The following TLN1 variants were observed in gnomAD, a reference collection of about 807,000 sequenced individuals.
TLN1 encodes talin 1.
Under a neutral mutation model 292.3 loss-of-function variants are expected in TLN1, and 56 were observed. The ratio of observed to expected loss-of-function variants is 0.19; its 90% CI spans 0.15 to 0.24. The LOEUF (loss-of-function observed/expected upper bound fraction) is 0.24, where lower values mean the gene tolerates loss of function less well. Ranked by LOEUF, TLN1 falls within the 10% of genes least tolerant of loss-of-function variation. TLN1 has a pLI of 1.00. For missense variants in TLN1, 2,433 were observed against 3,248.2 expected (o/e 0.75, Z 6.10); for synonymous variants, 1,119 against 1,253.7 (o/e 0.89, Z 2.27).
Position 35,722,206 on chromosome 9 carries a change from C to T in TLN1, c.861G>A (p.Gly287=), listed in dbSNP as rs938914808. The change falls in exon 9 of 57, where the codon GGG becomes GGA. Residue 287 remains glycine (G), a synonymous_variant. Coordinates refer to ENST00000314888, the MANE Select transcript of TLN1 (RefSeq NM_006289.4). ...RKIFQAHKNC[G]QMSEIEAKVR... ...CCTTGGCCTCAATCTCACTCATCTG[C>T]CCACAATTCTTGTGTGCCTGTGCAT... The T allele has an allele frequency of 5.0e-6, 8 of 1,614,148 alleles. No individual in the cohort carries two copies. In the East Asian group the frequency reaches 1.8e-4, roughly 36 times the overall value.
chr9:35,727,213 C>T (rs1825993751), intron 1 of TLN1, among the ~76,000 whole-genome samples: 1 of 152,146 alleles, frequency 6.6e-6, no homozygotes, highest in Admixed American at 6.5e-5. Context: ...GCCCATTCCC[C>T]TCCTGGCAAA....
At position 35,719,856 on chromosome 9, in the gene TLN1, A is replaced by G. The variant is rs1306310930; in HGVS notation, c.1465-3T>C. 2 of 1,580,960 alleles carry G rather than the reference A, an allele frequency of 1.3e-6. No individual in the cohort carries two copies. Among genetic ancestry groups the G allele is most frequent in the Middle Eastern group, 1.7e-4 (1 of 6,016 alleles). ...GTGAGTGCCTGCTGGGCTGAAGTCTAAAGACAAGTGGGGAGAAACAGGGAC... is the reference window on the plus strand; with the variant it reads ...GTGAGTGCCTGCTGGGCTGAAGTCTGAAGACAAGTGGGGAGAAACAGGGAC... On this transcript the variant is annotated splice_polypyrimidine_tract_variant and splice_region_variant and intron_variant, in intron 13 of 56. Coordinates refer to ENST00000314888, the MANE Select transcript of TLN1 (RefSeq NM_006289.4). The surrounding 1 kb of genome is among the most constrained non-coding windows in gnomAD (Gnocchi z 4.6).
intron 33 of TLN1, 87 bp downstream of exon 33, chr9:35,710,474 T>C: frequency 6.6e-7 from 1 of 1,522,170 alleles, no homozygotes; most frequent in Non-Finnish European, 8.8e-7. Flanking sequence ...CATAAACTTC[T>C]TGATTTATCT....
In TLN1 at chr9:35,722,137, G is replaced by A. The variant is rs988927795; in HGVS notation, c.930C>T (p.Val310=). The A allele has an allele frequency of 3.1e-6, 5 of 1,614,066 alleles. No homozygotes were observed. Among genetic ancestry groups the A allele is most frequent in the Admixed American group, 3.3e-5 (2 of 60,006 alleles). ...KLARSLKTYG[V]SFFLVKEKMK... is the part of the protein sequence containing the mutation. ...AACCTACCTTCACCAGGAAGAAGGA[G>A]ACACCGTAAGTCTTGAGAGAACGGG... The change falls in exon 9 of 57, where the codon GTC becomes GTT. Residue 310 remains valine, a synonymous_variant. Coordinates refer to ENST00000314888, the MANE Select transcript of TLN1 (RefSeq NM_006289.4).
rs1205108939 is a variant in TLN1 at position 35,711,062 on chromosome 9, T to C, written c.4040A>G (p.Asn1347Ser). The change falls in exon 31 of 57, where the codon AAT becomes AGT. Residue 1347 changes from asparagine (N) to serine (S), a missense_variant. Asn to Ser is a conservative substitution (Grantham distance 46). Around this residue, in one of 7 missense-constraint regions of TLN1, gnomAD observed 1,384 missense variants for 1,699.6 expected, o/e 0.81. Coordinates refer to ENST00000314888, the MANE Select transcript of TLN1 (RefSeq NM_006289.4). ...AAARAVTDSI[N>S]QLITMCTQQA... ...CTGGGTGCACATAGTGATGAGCTGA[T>C]TGATGCTGTCAGTTACTGCCCTGGG... 2 of 1,614,244 alleles carry C rather than the reference T, an allele frequency of 1.2e-6. No homozygotes were observed. Among genetic ancestry groups the C allele is most frequent in the Admixed American group, 1.7e-5 (1 of 60,030 alleles).
chr9:35,707,295 T>C lies in TLN1; in HGVS notation c.4774-42A>G, dbSNP rs778735691. On this transcript the variant is annotated intron_variant, in intron 36 of 56. Coordinates refer to ENST00000314888, the MANE Select transcript of TLN1 (RefSeq NM_006289.4). This position sits in a 1 kb window ranked among gnomAD's most constrained non-coding sequence, Gnocchi z 5.6. ...CAGGAAGGTAAGTCTCAGGAGTCCC[T>C]GGAAGATGAGGTGATAAGCTGGCCC... The C allele has an allele frequency of 8.7e-6, 14 of 1,607,802 alleles. No individual in the cohort carries two copies. The South Asian group carries it at 1.5e-4, about 18-fold the overall frequency.
intron 43 of TLN1, among the ~76,000 whole-genome samples, chr9:35,705,343 C>G (rs528375436): frequency 6.6e-6 from 1 of 152,304 alleles, no homozygotes; most frequent in South Asian, 2.1e-4. Flanking sequence ...CGGGAAGGCT[C>G]CAGATTCTGA....
chr9:35,702,731 T>C (rs1482956453), intron 48 of TLN1, among the ~76,000 whole-genome samples: 1 of 151,912 alleles, frequency 6.6e-6, no homozygotes, highest in Non-Finnish European at 1.5e-5. Flanking sequence ...GACCTTGTGA[T>C]CCACCCGCCT....
chr9:35,710,524 T>C, intron 33 of TLN1, 37 bp downstream of exon 33: 1 of 1,597,234 alleles, frequency 6.3e-7, no homozygotes, highest in South Asian at 1.1e-5. Flanking sequence ...GTAAAGAAAG[T>C]AGGGGCCATT....
Position 35,697,454 on chromosome 9 carries a change from T to G in TLN1, c.*337A>C. 3.2e-6 allele frequency: 1 copy of G among 314,008 alleles called. No homozygotes were observed. The highest frequency in any genetic ancestry group is 5.9e-6 in the Non-Finnish European group (1 of 168,586). 19.5% of individuals were successfully genotyped at this position (314,008 alleles called of 1,614,324 possible). A position where few individuals can be genotyped will look rare whatever the true frequency, so the allele number is the denominator to read the frequency against. On this transcript the variant is annotated 3_prime_UTR_variant, in exon 57 of 57. Transcript: ENST00000314888. ...ATCAAAAAACGGTGAAGAGAGCTGATGAGGCTGTGGGGACTGGCCGGAAGC... is the reference window on the plus strand; with the variant it reads ...ATCAAAAAACGGTGAAGAGAGCTGAGGAGGCTGTGGGGACTGGCCGGAAGC...
Position 35,712,071 on chromosome 9 carries a change from G to T in TLN1, c.3615C>A (p.Gly1205=). The change falls in exon 28 of 57, where the codon GGC becomes GGA. Residue 1205 remains glycine (G), a synonymous_variant. Transcript: ENST00000314888. ...ALNRCVSCLP[G]QRDVDNALRA... is the part of the protein sequence containing the mutation. ...TCAGGGCATTATCCACATCGCGCTG[G>T]CCAGGTAGGCAGCTGACACAGCGGT... 1 of 1,614,062 alleles carries T rather than the reference G, an allele frequency of 6.2e-7. No homozygotes were observed. The highest frequency in any genetic ancestry group is 2.2e-5 in the East Asian group (1 of 44,890).
chr9:35,714,087 A>T lies in TLN1; in HGVS notation c.3121-6T>A. On this transcript the variant is annotated splice_polypyrimidine_tract_variant and splice_region_variant and intron_variant, in intron 24 of 56. Coordinates refer to ENST00000314888, the MANE Select transcript of TLN1 (RefSeq NM_006289.4). This position sits in a 1 kb window ranked among gnomAD's most constrained non-coding sequence, Gnocchi z 4.6. ...GGTCCACATGCTTCCTGAGCCTATG[A>T]TAAGAAAGGGGTTTTGGGTGTAGAA... 6 of 1,613,868 alleles carry T rather than the reference A, an allele frequency of 3.7e-6. No homozygotes were observed. Among genetic ancestry groups the T allele is most frequent in the Non-Finnish European group, 5.1e-6 (6 of 1,179,780 alleles).
At position 35,704,901 on chromosome 9, in the gene TLN1, GA is replaced by G. The variant is rs3215701; in HGVS notation, c.5734-87del. The G allele has an allele frequency of 0.58, 829,480 of 1,433,904 alleles. 243,465 individuals are homozygous for G. Among genetic ancestry groups the G allele is most frequent in the African/African-American group, 0.67 (47,038 of 70,058 alleles). The allele number at this position is 1,433,904 out of a possible 1,614,324, so 88.8% of individuals were successfully genotyped here. On this transcript the variant is annotated intron_variant, in intron 43 of 56. Coordinates refer to ENST00000314888, the MANE Select transcript of TLN1 (RefSeq NM_006289.4). The surrounding 1 kb of genome is among the most constrained non-coding windows in gnomAD (Gnocchi z 6.9). ...GCTTGGAAAAGTCACTAAGGACATA[GA>G]AAAAAACATGCATTGTAGACTAAAG...
chr9:35,700,719 G>T (rs985325918), intron 48 of TLN1, among the ~76,000 whole-genome samples: 1 of 152,212 alleles, frequency 6.6e-6, no homozygotes, highest in African/African-American at 2.4e-5. Context: ...ACATCGGAAA[G>T]TATCAAGGAA....
chr9:35,714,069 A>G lies in TLN1; in HGVS notation c.3133T>C (p.Cys1045Arg), dbSNP rs1817408913. Residue 1045 changes from cysteine to arginine, a missense_variant, in exon 25 of 57, where the codon TGT becomes CGT. Physicochemically the swap from Cys to Arg is radical, Grantham distance 180 (BLOSUM62 -3). Transcript: ENST00000314888. This position sits in a 1 kb window ranked among gnomAD's most constrained non-coding sequence, Gnocchi z 4.6. ...RTAAQKAQEA[C>R]GPLEMDSALS... ...GCAGAATCCATCTCCAAAGGTCCAC[A>G]TGCTTCCTGAGCCTATGATAAGAAA... The G allele has an allele frequency of 6.2e-7, 1 of 1,614,176 alleles. No individual in the cohort carries two copies. The highest frequency in any genetic ancestry group is 1.3e-5 in the African/African-American group (1 of 75,056).
intron 48 of TLN1, among the ~76,000 whole-genome samples, chr9:35,701,879 C>A (rs1825472624): frequency 6.6e-6 from 1 of 152,048 alleles, no homozygotes. Flanking sequence ...TGGGGGAAGA[C>A]CAGGAAAGGA....
chr9:35,727,099 G>A (rs1022841785), intron 1 of TLN1, among the ~76,000 whole-genome samples: 2 of 152,202 alleles, frequency 1.3e-5, no homozygotes, highest in Non-Finnish European at 2.9e-5. Context: ...AGCAGGTGGC[G>A]CACAGGCTGC....
chr9:35,699,467 C>A lies in TLN1; in HGVS notation c.6769-6G>T. 1 of 1,610,178 alleles carries A rather than the reference C, an allele frequency of 6.2e-7. No homozygotes were observed. Among genetic ancestry groups the A allele is most frequent in the East Asian group, 2.2e-5 (1 of 44,874 alleles). On this transcript the variant is annotated splice_polypyrimidine_tract_variant and splice_region_variant and intron_variant, in intron 50 of 56. Transcript: ENST00000314888. The surrounding 1 kb of genome is among the most constrained non-coding windows in gnomAD (Gnocchi z 4.0). ...GGGCTTGGCTTCTGCAGGGTCTGGG[C>A]AAGAAGCGGGCAGGGGACAAAGAGC...
At position 35,724,738 on chromosome 9, in the gene TLN1, T is replaced by C; in HGVS notation, c.359-14A>G. The C allele has an allele frequency of 1.2e-6, 2 of 1,614,082 alleles. No homozygotes were observed. The highest frequency in any genetic ancestry group is 2.7e-5 in the African/African-American group (2 of 75,032). On this transcript the variant is annotated splice_polypyrimidine_tract_variant and intron_variant, in intron 4 of 56. Coordinates refer to ENST00000314888, the MANE Select transcript of TLN1 (RefSeq NM_006289.4). The surrounding 1 kb of genome is among the most constrained non-coding windows in gnomAD (Gnocchi z 4.7). The stretch of plus-strand genomic sequence containing the variant: ...GATTGGTGATGCCTGAGGAAGGAGA[T>C]GGCTTGTTAGCTTCCCAGGTACTGC...
Sources: allele counts gnomAD v4.1 joint callset (sites outside exome capture counted in the v4.1 genomes callset), GRCh38; gene constraint gnomAD v4.1.1; regional missense constraint gnomAD v4.1.1; non-coding constraint Gnocchi (gnomAD v3.1); transcripts MANE v1.5; gene names NCBI Gene and HGNC (gene_info 2026-07-23, HGNC 2026-07-21).